Variants in MTIF2 observed in about 807,000 individuals in gnomAD.
MTIF2 encodes the protein translation initiation factor IF-2, mitochondrial.
MTIF2 carries 71 observed loss-of-function variants against 83.5 expected under a neutral mutation model. That is an observed-to-expected ratio of 0.85 (90% confidence interval 0.70 to 1.04). MTIF2 has a LOEUF of 1.04. Ranked by LOEUF, MTIF2 falls within the 50% of genes least tolerant of loss-of-function variation. The probability of loss-of-function intolerance (pLI) is 0.00; values close to 1 mark genes in which losing one functional copy is unlikely to be tolerated. For synonymous variants in MTIF2, 319 were observed against 287.1 expected (o/e 1.11, Z -1.12); for missense variants, 957 against 846.5 (o/e 1.13, Z -1.62).
chr2:55,252,175 T>C (rs1006427112), intron 8 of MTIF2, among the ~76,000 whole-genome samples: 3 of 152,210 alleles, frequency 2.0e-5, no homozygotes, highest in Non-Finnish European at 4.4e-5. Flanking sequence ...TCGAATTTCA[T>C]TATTCTTTTC....
chr2:55,265,322 G>A (rs1378861016), intron 3 of MTIF2, among the ~76,000 whole-genome samples: 2 of 149,096 alleles, frequency 1.3e-5, no homozygotes, highest in Non-Finnish European at 3.0e-5. Context: ...CAGGCTTTCT[G>A]CTTGATATTG....
chr2:55,254,246 T>C, intron 6 of MTIF2, 45 bp from the exon 7 acceptor site: 1 of 1,590,556 alleles, frequency 6.3e-7, no homozygotes, highest in Non-Finnish European at 8.6e-7. Flanking sequence ...ATATCAGAAA[T>C]ACTTTATAGC....
rs112277902 is a variant in MTIF2 at position 55,251,137 on chromosome 2, A to G, written c.841+1340T>C. ...AAAAAAAAAAAAAAAAAAAAAGAAAAGGAAAAAGTACATTCTATGTTGATG... is the reference window on the plus strand; with the variant it reads ...AAAAAAAAAAAAAAAAAAAAAGAAAGGGAAAAAGTACATTCTATGTTGATG... On this transcript the variant is annotated intron_variant, in intron 8 of 15. Coordinates refer to ENST00000263629, the MANE Select transcript of MTIF2 (RefSeq NM_002453.3). Among the ~76,000 whole-genome samples, 1,145 of 150,188 alleles carry G rather than the reference A, an allele frequency of 7.6e-3. 15 individuals are homozygous for G. The highest frequency in any genetic ancestry group is 0.027 in the African/African-American group (1,086 of 40,956).
intron 9 of MTIF2, among the ~76,000 whole-genome samples, chr2:55,249,060 G>A (rs1676902640): frequency 6.6e-6 from 1 of 152,194 alleles, no homozygotes; most frequent in South Asian, 2.1e-4. Flanking sequence ...GACAACTTGA[G>A]CTTTGGAGGT....
At chr2:55,242,158 A>G (rs11884151) in intron 13 of MTIF2, among the ~76,000 whole-genome samples, 32 of 119,244 alleles carry the variant, frequency 2.7e-4, no homozygotes, top group South Asian at 6.0e-4. Flanking sequence ...AAAAAAAAAG[A>G]AAAAAAAAAG....
At chr2:55,261,102 T>G (rs1318065832) in intron 5 of MTIF2, among the ~76,000 whole-genome samples, 1 of 151,834 alleles carries the variant, frequency 6.6e-6, no homozygotes, top group Non-Finnish European at 1.5e-5. Flanking sequence ...TTCTCCTGCC[T>G]CAGCCTCCCG....
chr2:55,261,462 C>A (rs1677984583), intron 5 of MTIF2, among the ~76,000 whole-genome samples: 1 of 151,796 alleles, frequency 6.6e-6, no homozygotes, highest in South Asian at 2.1e-4. Flanking sequence ...AAAAAATTAG[C>A]CGGGCGTGGT....
chr2:55,254,353 GAC>G, intron 6 of MTIF2, 152 bp from the exon 7 acceptor site: 1 of 389,928 alleles, frequency 2.6e-6, no homozygotes, highest in Non-Finnish European at 4.0e-6. Context: ...CTATACATAT[GAC>G]AGACTATTTA....
At chr2:55,243,777 C>CTTATAAAAG in intron 11 of MTIF2, 109 bp from the exon 12 acceptor site, 2 of 1,178,388 alleles carry the variant, frequency 1.7e-6, no homozygotes, top group Non-Finnish European at 2.4e-6. Context: ...ATGTATGAAA[C>CTTATAAAAG]TACTACTTTT....
chr2:55,239,223 T>C (rs764990090), intron 14 of MTIF2, among the ~76,000 whole-genome samples: 1 of 152,218 alleles, frequency 6.6e-6, no homozygotes, highest in African/African-American at 2.4e-5. Flanking sequence ...CAAATAAGTG[T>C]TAAATTTCCT....
At chr2:55,254,459 A>C (rs1375748313) in intron 6 of MTIF2, among the ~76,000 whole-genome samples, 195 bp downstream of exon 6, 1 of 152,190 alleles carries the variant, frequency 6.6e-6, no homozygotes, top group Non-Finnish European at 1.5e-5. Flanking sequence ...CATTCAGCAA[A>C]TTTTTAAAAA....
chr2:55,238,878 T>C (rs1281459662), intron 14 of MTIF2, among the ~76,000 whole-genome samples: 1 of 152,098 alleles, frequency 6.6e-6, no homozygotes, highest in African/African-American at 2.4e-5. Flanking sequence ...CACAAGAACA[T>C]AAAAATCTCT....
chr2:55,252,784 A>C, intron 7 of MTIF2, 131 bp from the exon 8 acceptor site: 1 of 629,262 alleles, frequency 1.6e-6, no homozygotes, highest in Non-Finnish European at 2.6e-6. Context: ...ATTAATCTTA[A>C]TCAGAACACA....
intron 7 of MTIF2, 114 bp downstream of exon 7, chr2:55,253,927 T>A (rs1019168450): frequency 5.3e-6 from 6 of 1,134,876 alleles, no homozygotes; most frequent in Non-Finnish European, 6.2e-6. Flanking sequence ...AACTAATGAC[T>A]GCAAGCTTTA....
intron 6 of MTIF2, 77 bp from the exon 7 acceptor site, chr2:55,254,278 T>C: frequency 6.7e-7 from 1 of 1,494,958 alleles, no homozygotes; most frequent in Non-Finnish European, 9.1e-7. Context: ...TTCACATTTA[T>C]CCCTGTGAAC....
chr2:55,264,752 T>C (rs1404918911), intron 3 of MTIF2, among the ~76,000 whole-genome samples: 2 of 152,206 alleles, frequency 1.3e-5, no homozygotes, highest in East Asian at 1.9e-4. Context: ...ACACCCAATA[T>C]TTATTGAATA....
chr2:55,264,280 G>A (rs529903500), intron 3 of MTIF2, among the ~76,000 whole-genome samples: 21 of 152,186 alleles, frequency 1.4e-4, no homozygotes, highest in Non-Finnish European at 2.5e-4. Flanking sequence ...GCTGGAGGCT[G>A]GAATGCAGTG....
chr2:55,269,031 T>G (rs1338861012), intron 1 of MTIF2, 138 bp downstream of exon 1: 1 of 152,174 alleles, frequency 6.6e-6, no homozygotes, highest in African/African-American at 2.4e-5. Context: ...AGGGATTAAA[T>G]GCATCTTGGA....
intron 15 of MTIF2, 39 bp from the exon 16 acceptor site, chr2:55,236,859 T>C: frequency 6.9e-7 from 1 of 1,448,338 alleles, no homozygotes; most frequent in East Asian, 2.4e-5. Context: ...ATTCAATAAA[T>C]GATAAGTACC....
Sources: allele counts gnomAD v4.1 joint callset (sites outside exome capture counted in the v4.1 genomes callset), GRCh38; gene constraint gnomAD v4.1.1; transcripts MANE v1.5; gene names NCBI Gene and HGNC (gene_info 2026-07-23, HGNC 2026-07-21).